The following SESN3 variants were observed in gnomAD, a reference collection of about 807,000 sequenced individuals.
The protein encoded by SESN3 is sestrin 3.
Under a neutral mutation model 55.3 loss-of-function variants are expected in SESN3, and 21 were observed. The ratio of observed to expected loss-of-function variants is 0.38; its 90% CI spans 0.27 to 0.55. The LOEUF is 0.55. Among genes scored for constraint, SESN3 ranks in the 20% least tolerant of loss-of-function variants. The probability of loss-of-function intolerance (pLI) is 0.76; values close to 1 mark genes in which losing one functional copy is unlikely to be tolerated. For synonymous variants in SESN3, 181 were observed against 203.1 expected, an observed-to-expected ratio of 0.89 and a Z score of 0.93; for missense variants, 408 against 604.3, an observed-to-expected ratio of 0.68 and a Z score of 3.41.
chr11:95,228,017 T>C (rs1338178657), intron 1 of SESN3, among the ~76,000 whole-genome samples: 5 of 152,214 alleles, frequency 3.3e-5, no homozygotes, highest in Non-Finnish European at 7.4e-5. Context: ...TATTTATGGA[T>C]ATGGTTTACC....
At chr11:95,200,045 A>G (rs535758533) in intron 1 of SESN3, among the ~76,000 whole-genome samples, 3 of 152,246 alleles carry the variant, frequency 2.0e-5, no homozygotes, top group Non-Finnish European at 4.4e-5. Context: ...CAAAATTTTT[A>G]GGTACGAATG....
chr11:95,174,578 G>A (rs1360139935), intron 9 of SESN3, among the ~76,000 whole-genome samples: 2 of 151,990 alleles, frequency 1.3e-5, no homozygotes, highest in African/African-American at 4.8e-5. Context: ...CTGCCTCCTG[G>A]GTTCAAGCGA....
At chr11:95,208,384 A>G (rs17694973) in intron 1 of SESN3, among the ~76,000 whole-genome samples, 23,915 of 151,290 alleles carry the variant, frequency 0.16, 2,558 homozygotes, top group Middle Eastern at 0.25. Context: ...CAGGACTTCA[A>G]ATACAGCTGT....
chr11:95,210,770 C>G (rs925141694), intron 1 of SESN3, among the ~76,000 whole-genome samples: 1 of 151,892 alleles, frequency 6.6e-6, no homozygotes, highest in Non-Finnish European at 1.5e-5. Flanking sequence ...CTTTAATAAA[C>G]AGTTTGTATT....
intron 1 of SESN3, among the ~76,000 whole-genome samples, chr11:95,226,518 C>A (rs889479318): frequency 6.6e-6 from 1 of 152,156 alleles, no homozygotes. Flanking sequence ...TACCAAGCAA[C>A]TTTCAAGTAT....
At chr11:95,213,334 T>C (rs546835840) in intron 1 of SESN3, among the ~76,000 whole-genome samples, 1 of 152,318 alleles carries the variant, frequency 6.6e-6, no homozygotes, top group South Asian at 2.1e-4. Flanking sequence ...TGAGAGCTGA[T>C]TCAATTGAAA....
At chr11:95,214,599 A>G (rs1860718251) in intron 1 of SESN3, among the ~76,000 whole-genome samples, 1 of 151,826 alleles carries the variant, frequency 6.6e-6, no homozygotes, top group Non-Finnish European at 1.5e-5. Flanking sequence ...TAGGTGAAAG[A>G]GAACATCCAT....
intron 1 of SESN3, among the ~76,000 whole-genome samples, chr11:95,223,857 G>A (rs886773344): frequency 2.0e-5 from 3 of 152,162 alleles, no homozygotes; most frequent in Non-Finnish European, 2.9e-5. Context: ...GGACCCCAAA[G>A]AGCCTTTGTT....
intron 1 of SESN3, among the ~76,000 whole-genome samples, chr11:95,223,359 C>G (rs117570194): frequency 0.059 from 9,055 of 152,248 alleles, 398 homozygotes; most frequent in Admixed American, 0.12. Context: ...AACAGACTAA[C>G]CTTGCTACTC....
chr11:95,203,027 G>T (rs1206179276), intron 1 of SESN3, among the ~76,000 whole-genome samples: 1 of 152,058 alleles, frequency 6.6e-6, no homozygotes, highest in Non-Finnish European at 1.5e-5. Flanking sequence ...GTCGATGGTT[G>T]ATAGTTACTA....
chr11:95,219,539 T>G lies in SESN3; in HGVS notation c.78+11244A>C, dbSNP rs368418983. ...ATGCCACCCCACTTAAAATTCACCA[T>G]GCTGAGCCCAAACCTTGGTCAATAC... On this transcript the variant is annotated intron_variant, in intron 1 of 9. Coordinates refer to ENST00000536441, the MANE Select transcript of SESN3 (RefSeq NM_144665.4). Among the ~76,000 whole-genome samples, 5 of 152,178 alleles carry G rather than the reference T, an allele frequency of 3.3e-5. No homozygotes were observed. The East Asian group carries it at 7.7e-4, about 23-fold the overall frequency.
rs12291533 is a variant in SESN3, at chr11:95,222,253, T to C, written c.78+8530A>G. Among the ~76,000 whole-genome samples, 1,004 of 152,274 alleles carry C rather than the reference T, an allele frequency of 6.6e-3. 11 individuals are homozygous for C. Among genetic ancestry groups the C allele is most frequent in the African/African-American group, 0.023 (965 of 41,540 alleles). On this transcript the variant is annotated intron_variant, in intron 1 of 9. Transcript: ENST00000536441. ...CTGTCTCTTGGTGGGACATTCTTGC[T>C]CCCTATTAGAATTTCCTTCAAAAGT...
intron 1 of SESN3, among the ~76,000 whole-genome samples, chr11:95,209,747 T>G (rs1292803805): frequency 1.3e-5 from 2 of 151,154 alleles, no homozygotes; most frequent in Non-Finnish European, 3.0e-5. Flanking sequence ...CCAGGCGTGG[T>G]GGCTCACACC....
chr11:95,201,199 GT>G (rs904726661), intron 1 of SESN3: 16 of 151,808 alleles, frequency 1.1e-4, no homozygotes, highest in African/African-American at 3.9e-4. Context: ...AATTTTACTT[GT>G]TTTACTAACT....
At chr11:95,214,036 C>T (rs1860707239) in intron 1 of SESN3, among the ~76,000 whole-genome samples, 3 of 152,164 alleles carry the variant, frequency 2.0e-5, no homozygotes, top group Admixed American at 2.0e-4. Context: ...CTATTTTAGA[C>T]CATGAAAATG....
chr11:95,210,138 G>A (rs1344984295), intron 1 of SESN3, among the ~76,000 whole-genome samples: 1 of 151,574 alleles, frequency 6.6e-6, no homozygotes, highest in Non-Finnish European at 1.5e-5. Flanking sequence ...AACACCGCAT[G>A]TTCTTGCTCA....
At chr11:95,179,159 GT>G (rs1555118233) in intron 6 of SESN3, among the ~76,000 whole-genome samples, 46 of 145,276 alleles carry the variant, frequency 3.2e-4, no homozygotes, top group Non-Finnish European at 3.2e-4. Context: ...AGCTTAACCA[GT>G]TTTTTTTTTT....
chr11:95,181,167 A>C (rs549192626), intron 6 of SESN3, among the ~76,000 whole-genome samples: 1 of 152,152 alleles, frequency 6.6e-6, no homozygotes, highest in East Asian at 1.9e-4. Flanking sequence ...CTGATACTGG[A>C]GTTGACTATT....
chr11:95,213,193 G>A (rs1431689321), intron 1 of SESN3, among the ~76,000 whole-genome samples: 1 of 151,942 alleles, frequency 6.6e-6, no homozygotes, highest in Non-Finnish European at 1.5e-5. Flanking sequence ...TATTGTGGAT[G>A]TCTGTCCACT....
Sources: allele counts gnomAD v4.1 joint callset (sites outside exome capture counted in the v4.1 genomes callset), GRCh38; gene constraint gnomAD v4.1.1; transcripts MANE v1.5; gene names NCBI Gene and HGNC (gene_info 2026-07-23, HGNC 2026-07-21).